Variants in TIAM2 observed in about 807,000 individuals in gnomAD.
TIAM2 encodes the protein TIAM Rac1 associated GEF 2.
Under a neutral mutation model 152.9 loss-of-function variants are expected in TIAM2, and 80 were observed. The ratio of observed to expected loss-of-function variants is 0.52; its 90% CI spans 0.44 to 0.63. The LOEUF (loss-of-function observed/expected upper bound fraction) is 0.63. TIAM2 is among the 30% of genes least tolerant of loss of function. The probability of loss-of-function intolerance (pLI) is 0.00; values close to 1 mark genes in which losing one functional copy is unlikely to be tolerated. For synonymous variants in TIAM2, 804 were observed against 838.0 expected (o/e 0.96, Z 0.70); for missense variants, 1,965 against 2,120.1 (o/e 0.93, Z 1.44).
At chr6:155,061,532 ATG>A (rs1777579520) in intron 1 of TIAM2, among the ~76,000 whole-genome samples, 1 of 152,206 alleles carries the variant, frequency 6.6e-6, no homozygotes, top group African/African-American at 2.4e-5. Flanking sequence ...TTTATTATAA[ATG>A]TGCTCATCCC....
At chr6:155,184,332 T>C (rs1562346081) in intron 14 of TIAM2, among the ~76,000 whole-genome samples, 1 of 152,196 alleles carries the variant, frequency 6.6e-6, no homozygotes, top group Non-Finnish European at 1.5e-5. Context: ...TTTTAAAACT[T>C]TGTGAAGGCC....
At chr6:155,151,425 C>T (rs956223098) in intron 7 of TIAM2, among the ~76,000 whole-genome samples, 1 of 152,234 alleles carries the variant, frequency 6.6e-6, no homozygotes, top group South Asian at 2.1e-4. Context: ...CCATAAATTG[C>T]ACTCCAAACA....
At chr6:155,098,254 A>G (rs951687350) in intron 2 of TIAM2, among the ~76,000 whole-genome samples, 2 of 152,034 alleles carry the variant, frequency 1.3e-5, no homozygotes, top group African/African-American at 4.8e-5. Flanking sequence ...GAATCTGTAA[A>G]TTGCTTTGCG....
intron 13 of TIAM2, 134 bp from the exon 14 acceptor site, chr6:155,183,103 C>G (rs1292262370): frequency 1.7e-6 from 2 of 1,190,678 alleles, no homozygotes; most frequent in Non-Finnish European, 2.3e-6. Context: ...CTGGCTGGCA[C>G]TTTCTTTGAA....
intron 1 of TIAM2, among the ~76,000 whole-genome samples, chr6:155,059,319 T>TGCGC (rs1256869210): frequency 2.2e-5 from 3 of 134,366 alleles, no homozygotes; most frequent in East Asian, 4.2e-4. Context: ...TGTGTGTGTG[T>TGCGC]GTGTGTGCGC....
chr6:155,138,488 A>G (rs1779610465), intron 5 of TIAM2, among the ~76,000 whole-genome samples: 1 of 151,256 alleles, frequency 6.6e-6, no homozygotes, highest in African/African-American at 2.4e-5. Flanking sequence ...ATGTGCATGC[A>G]GGTTTGTTAC....
intron 1 of TIAM2, among the ~76,000 whole-genome samples, chr6:155,022,871 C>T (rs1456497196): frequency 6.6e-6 from 1 of 152,188 alleles, no homozygotes; most frequent in Non-Finnish European, 1.5e-5. Flanking sequence ...CTTAGTAAAG[C>T]ATTTCGAGGG....
At chr6:155,073,865 A>G (rs4870346) in intron 1 of TIAM2, among the ~76,000 whole-genome samples, 44,730 of 152,070 alleles carry the variant, frequency 0.29, 7,181 homozygotes, top group Non-Finnish European at 0.36. Context: ...ACTCATTAGG[A>G]CCTTTCATCT....
Position 155,066,135 on chromosome 6 carries a change from C to G in TIAM2, c.-208-24154C>G, listed in dbSNP as rs868233156. Among the ~76,000 whole-genome samples the G allele has an allele frequency of 1.2e-4, 16 of 130,364 alleles. No homozygotes were observed. The Middle Eastern group carries it at 0.015, about 124-fold the overall frequency. 85.5% of individuals were successfully genotyped at this position (130,364 alleles called of 152,430 possible). On this transcript the variant is annotated intron_variant, in intron 1 of 26. Coordinates refer to ENST00000682666, the MANE Select transcript of TIAM2 (RefSeq NM_012454.4). ...CCTGGGCCTTCTCCACTGAGACGGC[C>G]GCTCTTGTCCCCTTCTCAATTTTCC...
intron 14 of TIAM2, among the ~76,000 whole-genome samples, chr6:155,207,384 C>T: frequency 6.6e-6 from 1 of 152,222 alleles, no homozygotes; most frequent in South Asian, 2.1e-4. Context: ...GGACACTGTC[C>T]AGCTCGGATT....
intron 2 of TIAM2, among the ~76,000 whole-genome samples, chr6:155,104,056 C>A (rs150451615): frequency 0.26 from 14,641 of 55,488 alleles, 2,225 homozygotes; most frequent in African/African-American, 0.36. Flanking sequence ...CCCCCCACAC[C>A]CCCACACACC....
chr6:155,160,534 C>T (rs980309884), intron 7 of TIAM2, among the ~76,000 whole-genome samples: 14 of 152,150 alleles, frequency 9.2e-5, no homozygotes, highest in African/African-American at 3.1e-4. Context: ...TTAACCATTA[C>T]GCGGGTGGAT....
chr6:155,077,954 C>T (rs1777992674), intron 1 of TIAM2, among the ~76,000 whole-genome samples: 1 of 152,220 alleles, frequency 6.6e-6, no homozygotes, highest in African/African-American at 2.4e-5. Context: ...AATGATGTAA[C>T]ATGTAACTGC....
At position 155,257,344 on chromosome 6, in the gene TIAM2, T is replaced by G; in HGVS notation, c.*223T>G. Reference sequence around the variant, plus strand: ...GAATCTGTAAATTACTTAGTTTATATCCACTTTGAGCAGGTATCAAATGAT... The same window carrying G: ...GAATCTGTAAATTACTTAGTTTATAGCCACTTTGAGCAGGTATCAAATGAT... On this transcript the variant is annotated 3_prime_UTR_variant, in exon 27 of 27. Coordinates refer to ENST00000682666, the MANE Select transcript of TIAM2 (RefSeq NM_012454.4). The G allele has an allele frequency of 7.3e-6, 4 of 550,282 alleles. No individual in the cohort carries two copies. Among genetic ancestry groups the G allele is most frequent in the Non-Finnish European group, 1.3e-5 (4 of 316,572 alleles). 34.1% of individuals were successfully genotyped at this position (550,282 alleles called of 1,614,324 possible).
In TIAM2 at chr6:155,257,099, C is replaced by A; in HGVS notation, c.5084C>A (p.Thr1695Lys). 2 of 1,601,182 alleles carry A rather than the reference C, an allele frequency of 1.2e-6. No individual in the cohort carries two copies. Among genetic ancestry groups the A allele is most frequent in the Non-Finnish European group, 1.7e-6 (2 of 1,174,472 alleles). ...GTCAGTGAGGAGTGTTTTTATGAAA[C>A]AGAGAGCCACGGAAAATCATAGTAT... ...SVVSEECFYE[T>K]ESHGKS The change falls in exon 27 of 27, where the codon ACA becomes AAA. Residue 1695 changes from threonine (T) to lysine (K), a missense_variant. By Grantham distance (78) the Thr-to-Lys change is moderately conservative (BLOSUM62 -1). This residue lies in a region of TIAM2 where 935 missense variants were observed against 980.0 expected (regional missense o/e 0.95). Transcript: ENST00000682666.
intron 1 of TIAM2, among the ~76,000 whole-genome samples, chr6:155,069,119 G>T (rs1159660934): frequency 6.6e-6 from 1 of 152,056 alleles, no homozygotes; most frequent in Non-Finnish European, 1.5e-5. Flanking sequence ...ATTTAAGACA[G>T]AGTCTTGCTC....
At chr6:155,066,922 AT>A (rs1464384295) in intron 1 of TIAM2, among the ~76,000 whole-genome samples, 1 of 152,014 alleles carries the variant, frequency 6.6e-6, no homozygotes, top group Non-Finnish European at 1.5e-5. Flanking sequence ...CGCCTGGCTA[AT>A]TTTTTGTATT....
At chr6:155,031,624 T>C (rs1053670981) in intron 1 of TIAM2, among the ~76,000 whole-genome samples, 1 of 152,146 alleles carries the variant, frequency 6.6e-6, no homozygotes, top group African/African-American at 2.4e-5. Context: ...CTCGGGAGGC[T>C]GAGGTGGGAG....
At chr6:155,177,128 C>A in intron 10 of TIAM2, 151 bp downstream of exon 10, 1 of 711,836 alleles carries the variant, frequency 1.4e-6, no homozygotes, top group Non-Finnish European at 2.1e-6. Flanking sequence ...TATTTATTAG[C>A]ATATTCATTA....
Sources: gnomAD v4.1 joint callset for allele counts (sites outside exome capture counted in the v4.1 genomes callset) on GRCh38, gnomAD v4.1.1 for gene constraint, gnomAD v4.1.1 regional missense constraint, MANE v1.5 for transcripts, NCBI Gene and HGNC (gene_info 2026-07-23, HGNC 2026-07-21) for gene names.